Variants in SYT16 observed in about 807,000 individuals in gnomAD.
SYT16 encodes the protein synaptotagmin-16.
SYT16 carries 42 observed loss-of-function variants against 61.4 expected under a neutral mutation model. The observed-to-expected ratio is 0.68, with a 90% CI of 0.53 to 0.89. The LOEUF is 0.89. SYT16 is among the 40% of genes least tolerant of loss of function. SYT16 has a pLI of 0.00. For missense variants in SYT16, 804 were observed against 807.3 expected (o/e 1.00, Z 0.05); for synonymous variants, 314 against 302.3 (o/e 1.04, Z -0.40).
At chr14:62,068,435 G>A (rs1475227441) in intron 3 of SYT16, among the ~76,000 whole-genome samples, 3 of 152,084 alleles carry the variant, frequency 2.0e-5, no homozygotes, top group Non-Finnish European at 4.4e-5. Flanking sequence ...GCAGGAGTAG[G>A]GATGCATGTC....
At position 61,856,778 on chromosome 14, in the gene SYT16, C is replaced by T. The variant is rs756369076; in HGVS notation, c.-325+43968C>T. On this transcript the variant is annotated intron_variant, in intron 1 of 7. Transcript: ENST00000683842. ...TCATCAGCATTTGGGAGATGTTAAA[C>T]ACCATGATTTGACATCACCAATGGA... Among the ~76,000 whole-genome samples, 168 of 152,270 alleles carry T rather than the reference C, an allele frequency of 1.1e-3. 1 individual carries two copies. The highest frequency in any genetic ancestry group is 5.8e-4 in the East Asian group (3 of 5,182).
At chr14:61,821,497 GA>G (rs1359767996) in intron 1 of SYT16, among the ~76,000 whole-genome samples, 1 of 152,164 alleles carries the variant, frequency 6.6e-6, no homozygotes, top group Non-Finnish European at 1.5e-5. Context: ...GAGTGGGGCA[GA>G]TCCACTACTG....
intron 2 of SYT16, among the ~76,000 whole-genome samples, chr14:61,988,630 T>C (rs1434994049): frequency 6.6e-6 from 1 of 152,210 alleles, no homozygotes; most frequent in African/African-American, 2.4e-5. Context: ...TATATTTAAA[T>C]ATAACCCTCA....
chr14:61,891,319 G>GT (rs998605445), intron 1 of SYT16, among the ~76,000 whole-genome samples: 17 of 147,710 alleles, frequency 1.2e-4, no homozygotes, highest in Non-Finnish European at 1.5e-4. Flanking sequence ...GTCTTCACCT[G>GT]TTTTTTTTTT....
chr14:61,821,217 T>G (rs577355394), intron 1 of SYT16, among the ~76,000 whole-genome samples: 10 of 138,068 alleles, frequency 7.2e-5, no homozygotes, highest in African/African-American at 2.2e-4. Flanking sequence ...ATCCTATTTC[T>G]TAGACTTTTT....
chr14:61,972,721 T>C (rs1243776124), intron 2 of SYT16, among the ~76,000 whole-genome samples: 5 of 152,242 alleles, frequency 3.3e-5, no homozygotes, highest in Admixed American at 6.5e-5. Context: ...TTAACATATT[T>C]TGACAAACGT....
intron 1 of SYT16, among the ~76,000 whole-genome samples, chr14:61,842,889 A>G (rs1197949028): frequency 6.6e-6 from 1 of 152,154 alleles, no homozygotes; most frequent in African/African-American, 2.4e-5. Context: ...ACAAACCTGC[A>G]CATTGTGCAC....
intron 1 of SYT16, among the ~76,000 whole-genome samples, chr14:61,841,749 T>C (rs920849875): frequency 6.6e-6 from 1 of 152,232 alleles, no homozygotes; most frequent in African/African-American, 2.4e-5. Flanking sequence ...CTCCCACTTA[T>C]AAGTGAGAAC....
At chr14:61,905,997 C>T (rs1389119208) in intron 1 of SYT16, among the ~76,000 whole-genome samples, 3 of 152,148 alleles carry the variant, frequency 2.0e-5, no homozygotes, top group South Asian at 2.1e-4. Flanking sequence ...CCTCGTGATC[C>T]GCCTGCCTTG....
intron 1 of SYT16, among the ~76,000 whole-genome samples, chr14:61,864,203 T>C (rs1190772387): frequency 2.0e-5 from 3 of 152,226 alleles, no homozygotes; most frequent in African/African-American, 4.8e-5. Context: ...TGAATAAAAC[T>C]ATTACGACCC....
chr14:61,847,754 T>C (rs1182779478), intron 1 of SYT16, among the ~76,000 whole-genome samples: 2 of 152,176 alleles, frequency 1.3e-5, no homozygotes, highest in African/African-American at 2.4e-5. Context: ...TATTATTTTT[T>C]CTTTTATCTC....
intron 1 of SYT16, among the ~76,000 whole-genome samples, chr14:61,817,795 T>C (rs1454537838): frequency 2.6e-5 from 4 of 152,242 alleles, no homozygotes; most frequent in Non-Finnish European, 5.9e-5. Flanking sequence ...ATATTTTTAT[T>C]GTGGTTGACA....
At chr14:62,064,531 G>A (rs2055975477) in intron 3 of SYT16, among the ~76,000 whole-genome samples, 1 of 152,054 alleles carries the variant, frequency 6.6e-6, no homozygotes, top group Admixed American at 6.6e-5. Flanking sequence ...ATCTTTTCCA[G>A]CCCAATATAT....
intron 3 of SYT16, among the ~76,000 whole-genome samples, chr14:62,030,709 C>G (rs2054280965): frequency 6.6e-6 from 1 of 152,138 alleles, no homozygotes; most frequent in Non-Finnish European, 1.5e-5. Context: ...GTGGCTTTAA[C>G]CTTTCTCTCA....
At chr14:61,975,404 G>C (rs2051745590) in intron 2 of SYT16, among the ~76,000 whole-genome samples, 1 of 152,096 alleles carries the variant, frequency 6.6e-6, no homozygotes, top group African/African-American at 2.4e-5. Flanking sequence ...ACTGCTATAA[G>C]TAACTGCCTA....
At position 61,996,382 on chromosome 14, in the gene SYT16, C is replaced by A. The variant is rs1220944181; in HGVS notation, c.363C>A (p.Ser121=). The A allele has an allele frequency of 6.2e-7, 1 of 1,613,340 alleles. No homozygotes were observed. The highest frequency in any genetic ancestry group is 2.2e-5 in the East Asian group (1 of 44,848). ...QHAKDSCSTM[S]QWPNWASDDR... ...CAAAGGACTCATGTTCCACAATGTC[C>A]CAGTGGCCCAATTGGGCCAGTGATG... The change falls in exon 3 of 8, where the codon TCC becomes TCA. Residue 121 remains serine, a synonymous_variant. Transcript: ENST00000683842.
At chr14:61,956,649 C>A (rs1226421938) in intron 1 of SYT16, among the ~76,000 whole-genome samples, 1 of 151,972 alleles carries the variant, frequency 6.6e-6, no homozygotes, top group African/African-American at 2.4e-5. Flanking sequence ...TTATTCTGCT[C>A]CATTGAGCTA....
intron 3 of SYT16, among the ~76,000 whole-genome samples, chr14:62,003,252 C>T (rs753817963): frequency 7.9e-5 from 12 of 152,082 alleles, no homozygotes; most frequent in East Asian, 1.9e-4. Flanking sequence ...GACTGTATCA[C>T]GACAGCAGCT....
rs1566854271 is a variant in SYT16 at position 62,103,210 on chromosome 14, A to G, written c.*2503A>G. 1 of 152,196 alleles carries G rather than the reference A, an allele frequency of 6.6e-6. No homozygotes were observed. The highest frequency in any genetic ancestry group is 1.5e-5 in the Non-Finnish European group (1 of 68,036). 9.4% of individuals were successfully genotyped at this position (152,196 alleles called of 1,614,324 possible). A position where few individuals can be genotyped will look rare whatever the true frequency, so the allele number is the denominator to read the frequency against. ...CCCTTATTTTCTTGGCAAAGTCTAG[A>G]CACAAATGCATTTAACATGTTTTTC... On this transcript the variant is annotated 3_prime_UTR_variant, in exon 8 of 8. Transcript: ENST00000683842.
Sources: allele counts gnomAD v4.1 joint callset (sites outside exome capture counted in the v4.1 genomes callset), GRCh38; gene constraint gnomAD v4.1.1; transcripts MANE v1.5; gene names NCBI Gene and HGNC (gene_info 2026-07-23, HGNC 2026-07-21).